The following GRAMD1A variants were observed in gnomAD, a reference collection of about 807,000 sequenced individuals.
GRAMD1A encodes GRAM domain containing 1A, also known as protein Aster-A.
In GRAMD1A, 50 loss-of-function variants were observed where a neutral mutation model predicts 92.0. The ratio of observed to expected loss-of-function variants is 0.54; its 90% CI spans 0.43 to 0.69. The LOEUF is 0.69. Ranked by LOEUF, GRAMD1A falls within the 30% of genes least tolerant of loss-of-function variation. The pLI is 0.00. For missense variants in GRAMD1A, 819 were observed against 978.9 expected (o/e 0.84, Z 2.18); for synonymous variants, 405 against 403.6 (o/e 1.00, Z -0.04).
chr19:35,018,819 A>G (rs1473068749), intron 11 of GRAMD1A, among the ~76,000 whole-genome samples: 2 of 151,888 alleles, frequency 1.3e-5, no homozygotes, highest in Non-Finnish European at 2.9e-5. Flanking sequence ...AGCCTGGAGG[A>G]CCCTGGGCCA....
intron 1 of GRAMD1A, among the ~76,000 whole-genome samples, chr19:35,001,418 G>A (rs1034486883): frequency 6.6e-6 from 1 of 152,112 alleles, no homozygotes; most frequent in African/African-American, 2.4e-5. Flanking sequence ...GTGTGTAGCA[G>A]CTCTGATCCT....
At chr19:35,015,756 G>T (rs1015921834) in intron 10 of GRAMD1A, 68 bp from the exon 11 acceptor site, 2 of 1,490,542 alleles carry the variant, frequency 1.3e-6, no homozygotes, top group East Asian at 4.6e-5. Context: ...TGGGAGTGGG[G>T]AGGCGTGGCC....
At position 35,003,367 on chromosome 19, in the gene GRAMD1A, C is replaced by T. The variant is rs976697690; in HGVS notation, c.8+2881C>T. On this transcript the variant is annotated intron_variant, in intron 1 of 19. Coordinates refer to ENST00000317991, the MANE Select transcript of GRAMD1A (RefSeq NM_020895.5). Reference sequence around the variant, plus strand: ...TAGGAAGTTGGAGGTCAGGTGTCTGCGGAAGCAAAACAACATCCCTTCCGA... The same window carrying T: ...TAGGAAGTTGGAGGTCAGGTGTCTGTGGAAGCAAAACAACATCCCTTCCGA... Among the ~76,000 whole-genome samples, 4 of 152,102 alleles carry T rather than the reference C, an allele frequency of 2.6e-5. No individual in the cohort carries two copies. In the South Asian group the frequency reaches 6.2e-4, roughly 24 times the overall value.
intron 1 of GRAMD1A, 64 bp from the exon 2 acceptor site, chr19:35,009,055 G>A: frequency 9.2e-7 from 1 of 1,081,166 alleles, no homozygotes. Flanking sequence ...CTGAAAATAG[G>A]CCTGTCCCCG....
At position 35,010,102 on chromosome 19, in the gene GRAMD1A, C is replaced by T. The variant is rs377495602; in HGVS notation, c.336C>T (p.Cys112=). ...CCCCGCCCCTCTCAGATTACTCCTG[C>T]GCCCTGCAGCGTGAGATCCTGCTCC... ...EAERLIVDYS[C]ALQREILLQG... The change falls in exon 5 of 20, where the codon TGC becomes TGT. Residue 112 remains cysteine (C), a synonymous_variant. Coordinates refer to ENST00000317991, the MANE Select transcript of GRAMD1A (RefSeq NM_020895.5). 4.0e-5 allele frequency: 64 copies of T among 1,607,678 alleles called. No individual in the cohort carries two copies. Among genetic ancestry groups the T allele is most frequent in the Middle Eastern group, 3.3e-4 (2 of 6,054 alleles).
At chr19:35,010,029 C>A in intron 4 of GRAMD1A, 57 bp downstream of exon 4, 2 of 1,529,614 alleles carry the variant, frequency 1.3e-6, no homozygotes. Context: ...TCTCCGCCAG[C>A]CCGCGGGCGC....
chr19:35,002,290 A>G (rs1294044642), intron 1 of GRAMD1A: 2 of 152,314 alleles, frequency 1.3e-5, no homozygotes, highest in East Asian at 3.9e-4. Flanking sequence ...CTCGAGATCC[A>G]CGCCCTGCTC....
Position 35,000,671 on chromosome 19 carries a change from G to C in GRAMD1A, c.8+185G>C, listed in dbSNP as rs938668533. Among the ~76,000 whole-genome samples the C allele has an allele frequency of 2.6e-5, 4 of 151,820 alleles. No individual in the cohort carries two copies. The highest frequency in any genetic ancestry group is 4.4e-5 in the Non-Finnish European group (3 of 67,890). Reference sequence around the variant, plus strand: ...AGGGGGCCCCCGGGCGAGGGGTGCAGCTGGGGAGTGGGGCGCGGACGCAGG... The same window carrying C: ...AGGGGGCCCCCGGGCGAGGGGTGCACCTGGGGAGTGGGGCGCGGACGCAGG... On this transcript the variant is annotated intron_variant, in intron 1 of 19. Transcript: ENST00000317991. The surrounding 1 kb of genome is among the most constrained non-coding windows in gnomAD (Gnocchi z 4.9).
upstream of GRAMD1A, chr19:34,996,200 T>A (rs978551133): frequency 2.5e-5 from 39 of 1,535,360 alleles, no homozygotes; most frequent in Non-Finnish European, 3.4e-5. Flanking sequence ...CATAACGCCA[T>A]CCAGTGATGG....
upstream of GRAMD1A, among the ~76,000 whole-genome samples, chr19:34,995,406 G>T (rs907956611): frequency 6.6e-6 from 1 of 151,744 alleles, no homozygotes; most frequent in East Asian, 2.0e-4. Context: ...TGGGGCCCTG[G>T]CCTAGCCCCA....
At position 35,010,316 on chromosome 19, in the gene GRAMD1A, G is replaced by C. The variant is rs766004695; in HGVS notation, c.462G>C (p.Leu154=). The part of the protein sequence containing the change: ...ISIQLKEVTC[L]KKEKTAKLIP... The stretch of plus-strand genomic sequence containing the variant: ...TCCAGCTGAAGGAAGTGACATGTCT[G>C]AAGAAGGAAAAGACGGCCAAGCTGA... The change falls in exon 6 of 20, where the codon CTG becomes CTC. Residue 154 remains leucine (L), a synonymous_variant. Transcript: ENST00000317991. The C allele has an allele frequency of 6.2e-7, 1 of 1,613,850 alleles. No individual in the cohort carries two copies. Among genetic ancestry groups the C allele is most frequent in the Admixed American group, 1.7e-5 (1 of 60,036 alleles).
upstream of GRAMD1A, among the ~76,000 whole-genome samples, chr19:34,995,570 G>GT (rs1173583059): frequency 2.2e-3 from 180 of 80,978 alleles, 31 homozygotes; most frequent in South Asian, 5.6e-3. Context: ...TCAGATCACG[G>GT]GTTTTTTTTT....
chr19:35,018,628 C>T (rs2015812803), intron 11 of GRAMD1A, among the ~76,000 whole-genome samples: 3 of 152,144 alleles, frequency 2.0e-5, no homozygotes, highest in African/African-American at 7.2e-5. Context: ...ACAAGATGCC[C>T]CTGGACCAGA....
intron 1 of GRAMD1A, among the ~76,000 whole-genome samples, chr19:35,008,728 A>G (rs910512935): frequency 1.5e-4 from 23 of 152,144 alleles, no homozygotes; most frequent in African/African-American, 5.3e-4. Flanking sequence ...AAGGCAGGAG[A>G]ATCAGTTGAA....
At chr19:35,010,229 G>A in intron 5 of GRAMD1A, 34 bp downstream of exon 5, 2 of 1,592,454 alleles carry the variant, frequency 1.3e-6, no homozygotes, top group Non-Finnish European at 1.7e-6. Context: ...ACAGGGGCGG[G>A]GGCCCCCATG....
chr19:35,011,350 G>C, intron 6 of GRAMD1A, 124 bp from the exon 7 acceptor site: 1 of 784,288 alleles, frequency 1.3e-6, no homozygotes, highest in Non-Finnish European at 2.3e-6. Context: ...TAATGCAGGG[G>C]TGAATTAGTG....
Position 35,023,419 on chromosome 19 carries a change from C to A in GRAMD1A, c.1962-8C>A. ...CCAAGGCCCTGCTCAGGCCTGGCAT[C>A]CCCACAGCAAGTTCCCCCAGACGGC... On this transcript the variant is annotated splice_polypyrimidine_tract_variant and splice_region_variant and intron_variant, in intron 18 of 19. Transcript: ENST00000317991. The A allele has an allele frequency of 6.3e-7, 1 of 1,596,746 alleles. No homozygotes were observed. The highest frequency in any genetic ancestry group is 1.1e-5 in the South Asian group (1 of 90,026).
At chr19:35,004,768 C>T (rs2014675041) in intron 1 of GRAMD1A, among the ~76,000 whole-genome samples, 1 of 152,180 alleles carries the variant, frequency 6.6e-6, no homozygotes, top group African/African-American at 2.4e-5. Flanking sequence ...CCGCGCTGTA[C>T]ACTCCATCTT....
At chr19:34,999,979 C>A, upstream of GRAMD1A, 1 of 985,122 alleles carries the variant, frequency 1.0e-6, no homozygotes, top group Non-Finnish European at 1.2e-6. Context: ...CGCCCCGGCT[C>A]TCAGGTTCCT....
Sources: gnomAD v4.1 joint callset for allele counts (sites outside exome capture counted in the v4.1 genomes callset) on GRCh38, gnomAD v4.1.1 for gene constraint, Gnocchi (gnomAD v3.1) non-coding constraint, MANE v1.5 for transcripts, NCBI Gene and HGNC (gene_info 2026-07-23, HGNC 2026-07-21) for gene names.